The following GALNTL6 variants were observed in gnomAD, a reference collection of about 807,000 sequenced individuals.
The protein encoded by GALNTL6 is polypeptide N-acetylgalactosaminyltransferase-like 6.
GALNTL6 carries 46 observed loss-of-function variants against 73.7 expected under a neutral mutation model. That is an observed-to-expected ratio of 0.62 (90% CI 0.49 to 0.80). The LOEUF (loss-of-function observed/expected upper bound fraction) is 0.80, where lower values mean the gene tolerates loss of function less well. GALNTL6 is among the 30% of genes least tolerant of loss of function. The pLI is 0.00. For synonymous variants in GALNTL6, 259 were observed against 263.7 expected (o/e 0.98, Z 0.17); for missense variants, 604 against 755.0 (o/e 0.80, Z 2.34).
At chr4:172,953,913 G>A (rs1252388917) in intron 10 of GALNTL6, among the ~76,000 whole-genome samples, 1 of 152,204 alleles carries the variant, frequency 6.6e-6, no homozygotes, top group African/African-American at 2.4e-5. Context: ...GTGGAAATTT[G>A]AAAAGAATTT....
intron 5 of GALNTL6, among the ~76,000 whole-genome samples, chr4:172,558,778 A>C (rs779317005): frequency 2.0e-5 from 3 of 152,144 alleles, no homozygotes; most frequent in Non-Finnish European, 4.4e-5. Flanking sequence ...TTCAACATTA[A>C]AAAAATAGAA....
Position 172,702,291 on chromosome 4 carries a change from A to T in GALNTL6, c.554-107070A>T, listed in dbSNP as rs371442269. On this transcript the variant is annotated intron_variant, in intron 5 of 12. Transcript: ENST00000506823. Reference sequence around the variant, plus strand: ...ATTTTGTTTATACATTATTTTCAGGATACTCAATATTTATGCCTTCATTTA... The same window carrying T: ...ATTTTGTTTATACATTATTTTCAGGTTACTCAATATTTATGCCTTCATTTA... 5.9e-5 allele frequency among the ~76,000 whole-genome samples: 9 copies of T among 152,194 alleles called. No individual in the cohort carries two copies. In the East Asian group the frequency reaches 1.5e-3, roughly 26 times the overall value.
At chr4:171,920,250 G>A (rs1737747284) in intron 2 of GALNTL6, among the ~76,000 whole-genome samples, 1 of 151,790 alleles carries the variant, frequency 6.6e-6, no homozygotes, top group African/African-American at 2.4e-5. Context: ...GAGAGGGGAG[G>A]GATAGCATTA....
intron 5 of GALNTL6, among the ~76,000 whole-genome samples, chr4:172,499,012 A>G: frequency 6.6e-6 from 1 of 152,306 alleles, no homozygotes; most frequent in Non-Finnish European, 1.5e-5. Flanking sequence ...GAAGCCATGC[A>G]AGGTGGGGCT....
At chr4:172,012,956 TC>T (rs1275021876) in intron 2 of GALNTL6, among the ~76,000 whole-genome samples, 3 of 152,082 alleles carry the variant, frequency 2.0e-5, no homozygotes, top group Non-Finnish European at 2.9e-5. Context: ...GTTGTCACTC[TC>T]CTCACTCCAG....
intron 5 of GALNTL6, among the ~76,000 whole-genome samples, chr4:172,761,553 C>G (rs12646897): frequency 0.17 from 25,560 of 152,060 alleles, 2,542 homozygotes; most frequent in Admixed American, 0.26. Flanking sequence ...GGAGGAGTCT[C>G]ATGGGAGGTA....
intron 8 of GALNTL6, among the ~76,000 whole-genome samples, chr4:172,903,663 G>A (rs1561024497): frequency 6.6e-6 from 1 of 152,070 alleles, no homozygotes; most frequent in Non-Finnish European, 1.5e-5. Context: ...AAAACTACAG[G>A]TGTATAAACT....
At chr4:172,362,550 G>T (rs1370225504) in intron 5 of GALNTL6, among the ~76,000 whole-genome samples, 1 of 151,854 alleles carries the variant, frequency 6.6e-6, no homozygotes, top group Admixed American at 6.6e-5. Flanking sequence ...GATCCTCAGG[G>T]TTCCACTCAT....
At chr4:172,182,124 C>A (rs767266669) in intron 2 of GALNTL6, among the ~76,000 whole-genome samples, 6 of 152,252 alleles carry the variant, frequency 3.9e-5, no homozygotes, top group Non-Finnish European at 7.4e-5. Flanking sequence ...AATAGACAAA[C>A]AAAGAGCCAA....
At chr4:172,132,184 C>G (rs1050970689) in intron 2 of GALNTL6, among the ~76,000 whole-genome samples, 1 of 151,968 alleles carries the variant, frequency 6.6e-6, no homozygotes, top group Non-Finnish European at 1.5e-5. Flanking sequence ...AAATTTTGAG[C>G]TATCCAGGAT....
chr4:172,864,359 C>T (rs1744555963), intron 7 of GALNTL6, among the ~76,000 whole-genome samples: 1 of 152,164 alleles, frequency 6.6e-6, no homozygotes, highest in African/African-American at 2.4e-5. Flanking sequence ...TAGCCAGAAT[C>T]ATAAATAAGT....
At chr4:171,925,504 G>T (rs962319732) in intron 2 of GALNTL6, among the ~76,000 whole-genome samples, 1 of 152,070 alleles carries the variant, frequency 6.6e-6, no homozygotes, top group Non-Finnish European at 1.5e-5. Flanking sequence ...GAAAAAACTA[G>T]GTGTCTAAGA....
At chr4:173,030,135 G>T (rs1411107163) in intron 12 of GALNTL6, among the ~76,000 whole-genome samples, 1 of 136,022 alleles carries the variant, frequency 7.4e-6, no homozygotes, top group Admixed American at 7.3e-5. Flanking sequence ...ACCCCTTTTG[G>T]TAACAGAGGA....
chr4:172,861,318 CATGT>C (rs60571167), intron 7 of GALNTL6, among the ~76,000 whole-genome samples: 4,689 of 140,842 alleles, frequency 0.033, 264 homozygotes, highest in African/African-American at 0.12. Flanking sequence ...TTTTTGCTTA[CATGT>C]GTGTGTGTGT....
chr4:172,785,032 G>C (rs1471769919), intron 5 of GALNTL6, among the ~76,000 whole-genome samples: 1 of 152,110 alleles, frequency 6.6e-6, no homozygotes, highest in East Asian at 1.9e-4. Flanking sequence ...TGGCTTCACT[G>C]TCAAGAAAAC....
intron 5 of GALNTL6, among the ~76,000 whole-genome samples, chr4:172,518,302 A>C (rs1412181843): frequency 6.6e-6 from 1 of 151,988 alleles, no homozygotes; most frequent in South Asian, 2.1e-4. Flanking sequence ...AAGAAGTTGA[A>C]GGAAAAGATT....
chr4:172,760,451 C>T (rs1371494400), intron 5 of GALNTL6, among the ~76,000 whole-genome samples: 1 of 152,186 alleles, frequency 6.6e-6, no homozygotes, highest in African/African-American at 2.4e-5. Flanking sequence ...AATAGACCTA[C>T]TCTGAAACAA....
At chr4:173,031,966 T>C (rs1247501662) in intron 12 of GALNTL6, among the ~76,000 whole-genome samples, 2 of 152,236 alleles carry the variant, frequency 1.3e-5, no homozygotes, top group African/African-American at 2.4e-5. Flanking sequence ...TGGAGACTTT[T>C]ACCTTTTTAG....
chr4:172,377,548 C>T (rs909401091), intron 5 of GALNTL6, among the ~76,000 whole-genome samples: 1 of 152,174 alleles, frequency 6.6e-6, no homozygotes, highest in African/African-American at 2.4e-5. Context: ...AGTCCTCAGC[C>T]CTTGGGCAGT....
Sources: allele counts gnomAD v4.1 joint callset (sites outside exome capture counted in the v4.1 genomes callset), GRCh38; gene constraint gnomAD v4.1.1; transcripts MANE v1.5; gene names NCBI Gene and HGNC (gene_info 2026-07-23, HGNC 2026-07-21).